KIAA1549: variants seen among roughly 807,000 people sequenced by gnomAD.
KIAA1549 encodes the protein KIAA1549.
Under a neutral mutation model 156.4 loss-of-function variants are expected in KIAA1549, and 70 were observed. The observed-to-expected ratio is 0.45, with a 90% CI of 0.37 to 0.55. The LOEUF (loss-of-function observed/expected upper bound fraction) is 0.55. Among genes scored for constraint, KIAA1549 ranks in the 20% least tolerant of loss-of-function variants. The probability of loss-of-function intolerance (pLI) is 0.00; values close to 1 mark genes in which losing one functional copy is unlikely to be tolerated. For missense variants in KIAA1549, 2,428 were observed against 2,540.9 expected, an observed-to-expected ratio of 0.96 and a Z score of 0.96; for synonymous variants, 1,103 against 1,066.4, an observed-to-expected ratio of 1.03 and a Z score of -0.67.
chr7:138,928,717 TTATACC>T (rs1219381252), intron 1 of KIAA1549, among the ~76,000 whole-genome samples: 1 of 152,202 alleles, frequency 6.6e-6, no homozygotes, highest in African/African-American at 2.4e-5. Flanking sequence ...AAAGTTATGT[TTATACC>T]ATACTGTAGT....
intron 1 of KIAA1549, among the ~76,000 whole-genome samples, chr7:138,923,768 T>C (rs754556853): frequency 7.9e-5 from 12 of 152,210 alleles, no homozygotes; most frequent in Non-Finnish European, 1.6e-4. Context: ...TATTGTTGAC[T>C]CACTAGCAGA....
intron 1 of KIAA1549, among the ~76,000 whole-genome samples, chr7:138,945,078 AC>A (rs1813299528): frequency 6.6e-6 from 1 of 152,192 alleles, no homozygotes; most frequent in South Asian, 2.1e-4. Flanking sequence ...CCAGTTAAAT[AC>A]CCTTATCCCA....
At chr7:138,881,660 C>T (rs1811249528) in intron 10 of KIAA1549, 76 bp from the exon 11 acceptor site, 4 of 1,286,376 alleles carry the variant, frequency 3.1e-6, no homozygotes, top group Middle Eastern at 1.9e-4. Context: ...ACTTCTGACC[C>T]AAGACTGTGC....
rs1809671163 is a variant in KIAA1549 at position 138,835,173 on chromosome 7, C to G, written c.*2733G>C. 1.4e-5 allele frequency: 3 copies of G among 218,900 alleles called. No individual in the cohort carries two copies. The highest frequency in any genetic ancestry group is 1.8e-5 in the Non-Finnish European group (2 of 109,320). The allele number at this position is 218,900 out of a possible 1,614,324, so 13.6% of individuals were successfully genotyped here. The stretch of plus-strand genomic sequence containing the variant: ...TCAGTGGATGACGTGAACTTAATGT[C>G]TGAAGACCGCTAGGGTACGGTGCTG... On this transcript the variant is annotated 3_prime_UTR_variant, in exon 20 of 20. Coordinates refer to ENST00000422774, the MANE Select transcript of KIAA1549 (RefSeq NM_001164665.2).
At chr7:138,857,555 C>T (rs1439396766) in intron 16 of KIAA1549, among the ~76,000 whole-genome samples, 1 of 152,192 alleles carries the variant, frequency 6.6e-6, no homozygotes, top group African/African-American at 2.4e-5. Flanking sequence ...TTTTACATTC[C>T]CACCAGCAGT....
At chr7:138,903,844 TGTGTGTGTGCGCGCGC>T (rs1486118777) in intron 7 of KIAA1549, 108 bp from the exon 8 acceptor site, 11 of 431,606 alleles carry the variant, frequency 2.5e-5, no homozygotes, top group Admixed American at 1.6e-4. Context: ...TGTGTGTGTG[TGTGTGTGTGCGCGCGC>T]GCGCGCGCGC....
intron 19 of KIAA1549, among the ~76,000 whole-genome samples, chr7:138,838,424 G>A (rs1355884486): frequency 6.6e-6 from 1 of 152,146 alleles, no homozygotes; most frequent in Non-Finnish European, 1.5e-5. Flanking sequence ...GCGGATCCAT[G>A]CCAGGCTGAC....
At chr7:138,871,068 T>C (rs1228441844) in intron 13 of KIAA1549, 89 bp downstream of exon 13, 9 of 1,257,622 alleles carry the variant, frequency 7.2e-6, no homozygotes, top group Non-Finnish European at 1.0e-5. Flanking sequence ...CTGCCTGCCT[T>C]GGCCCCCCCA....
rs1413236984 is a variant in KIAA1549 at position 138,907,061 on chromosome 7, C to T, written c.3318G>A (p.Arg1106=). 1 of 1,611,846 alleles carries T rather than the reference C, an allele frequency of 6.2e-7. No homozygotes were observed. Among genetic ancestry groups the T allele is most frequent in the East Asian group, 2.2e-5 (1 of 44,788 alleles). The part of the protein sequence containing the change: ...ITISSSRVTP[R]RGPVNIIFAV... ...CAAAGATGATATTCACCGGGCCCCG[C>T]CGAGGAGTCACCCTTGAGGAACTGA... The change falls in exon 6 of 20, where the codon CGG becomes CGA. Residue 1106 remains arginine, a synonymous_variant. Transcript: ENST00000422774.
intron 13 of KIAA1549, among the ~76,000 whole-genome samples, chr7:138,870,505 T>C (rs1026778609): frequency 6.6e-6 from 1 of 152,192 alleles, no homozygotes. Context: ...CAAAACAAGT[T>C]ACCTGACATG....
In KIAA1549 at chr7:138,836,475, C is replaced by G. The variant is rs1030448574; in HGVS notation, c.*1431G>C. The G allele has an allele frequency of 2.8e-5, 6 of 214,694 alleles. No homozygotes were observed. Among genetic ancestry groups the G allele is most frequent in the African/African-American group, 1.4e-4 (6 of 44,258 alleles). The allele number at this position is 214,694 out of a possible 1,614,324, so 13.3% of individuals were successfully genotyped here. On this transcript the variant is annotated 3_prime_UTR_variant, in exon 20 of 20. Transcript: ENST00000422774. ...CACATTTCTCAGAATGCATCCCCAT[C>G]ATTAAGCGATGCATGACTGTCTTCG...
At chr7:138,862,747 A>G (rs1810624587) in intron 15 of KIAA1549, among the ~76,000 whole-genome samples, 1 of 152,182 alleles carries the variant, frequency 6.6e-6, no homozygotes, top group African/African-American at 2.4e-5. Flanking sequence ...CGTGGCCAAC[A>G]TGGTGAAACC....
At chr7:138,903,532 G>A (rs1811901797) in intron 8 of KIAA1549, 56 bp downstream of exon 8, 14 of 1,558,178 alleles carry the variant, frequency 9.0e-6, no homozygotes, top group South Asian at 2.3e-5. Flanking sequence ...GCACTCACAC[G>A]CAAGCGCTGT....
chr7:138,846,793 T>G (rs1454577801), intron 17 of KIAA1549, among the ~76,000 whole-genome samples: 12 of 152,198 alleles, frequency 7.9e-5, no homozygotes, highest in Non-Finnish European at 2.9e-5. Context: ...TACAGTTCTT[T>G]GCAAATGACA....
At chr7:138,980,932 C>A (rs1814526295) in intron 1 of KIAA1549, 151 bp downstream of exon 1, 1 of 699,400 alleles carries the variant, frequency 1.4e-6, no homozygotes, top group East Asian at 4.8e-5. Context: ...TTTGTTGGGC[C>A]CCAGAAGAAT....
At chr7:138,891,783 A>C (rs1017939718) in intron 10 of KIAA1549, among the ~76,000 whole-genome samples, 3 of 152,216 alleles carry the variant, frequency 2.0e-5, no homozygotes, top group African/African-American at 7.2e-5. Flanking sequence ...CCACATGAGC[A>C]GGAGACAGAG....
Position 138,981,285 on chromosome 7 carries a change from C to G in KIAA1549, c.-16G>C, listed in dbSNP as rs1028809932. ...CCCCCGGCATTCCCGGCCGGCGCCC[C>G]GGCCCGGCCTCGCGGCTCAGCGGCT... On this transcript the variant is annotated 5_prime_UTR_variant, in exon 1 of 20. Transcript: ENST00000422774. This position sits in a 1 kb window ranked among gnomAD's most constrained non-coding sequence, Gnocchi z 4.5. The G allele has an allele frequency of 2.7e-5, 26 of 967,156 alleles. No homozygotes were observed. The highest frequency in any genetic ancestry group is 3.1e-5 in the Non-Finnish European group (25 of 816,254). 59.9% of individuals were successfully genotyped at this position (967,156 alleles called of 1,614,324 possible). A position where few individuals can be genotyped will look rare whatever the true frequency, so the allele number is the denominator to read the frequency against.
Position 138,837,986 on chromosome 7 carries a change from C to T in KIAA1549, c.5773G>A (p.Ala1925Thr). The change falls in exon 20 of 20, where the codon GCC becomes ACC. Residue 1925 changes from alanine (A) to threonine (T), a missense_variant. By Grantham distance (58) the Ala-to-Thr change is moderately conservative (BLOSUM62 0). Around this residue, in one of 5 missense-constraint regions of KIAA1549, gnomAD observed 363 missense variants for 354.0 expected, o/e 1.03. Coordinates refer to ENST00000422774, the MANE Select transcript of KIAA1549 (RefSeq NM_001164665.2). Reference sequence around the variant, plus strand: ...TCGCGGATTGCTTTGATGAGAGAGGCCGAGGAGTGGCCAGGCTGGAGGTCT... The same window carrying T: ...TCGCGGATTGCTTTGATGAGAGAGGTCGAGGAGTGGCCAGGCTGGAGGTCT... Reference protein sequence around the residue: ...TEDLQPGHSSASLIKAIREEL... With the variant: ...TEDLQPGHSSTSLIKAIREEL... 1 of 1,613,412 alleles carries T rather than the reference C, an allele frequency of 6.2e-7. No individual in the cohort carries two copies. The highest frequency in any genetic ancestry group is 8.5e-7 in the Non-Finnish European group (1 of 1,179,740).
chr7:138,927,236 A>G (rs1216152018), intron 1 of KIAA1549, among the ~76,000 whole-genome samples: 1 of 152,210 alleles, frequency 6.6e-6, no homozygotes, highest in Non-Finnish European at 1.5e-5. Context: ...ACTACTGCCA[A>G]TGTTTGTTAT....
Sources: allele counts gnomAD v4.1 joint callset (sites outside exome capture counted in the v4.1 genomes callset), GRCh38; gene constraint gnomAD v4.1.1; regional missense constraint gnomAD v4.1.1; non-coding constraint Gnocchi (gnomAD v3.1); transcripts MANE v1.5; gene names NCBI Gene and HGNC (gene_info 2026-07-23, HGNC 2026-07-21).